Variants in EBF1 observed in about 807,000 individuals in gnomAD.
The protein encoded by EBF1 is transcription factor COE1.
EBF1 carries 10 observed loss-of-function variants against 68.4 expected under a neutral mutation model. The ratio of observed to expected loss-of-function variants is 0.15; its 90% confidence interval spans 0.09 to 0.25. The LOEUF (loss-of-function observed/expected upper bound fraction) is 0.25, where lower values mean the gene tolerates loss of function less well. Among genes scored for constraint, EBF1 ranks in the 10% least tolerant of loss-of-function variants. The pLI is 1.00. For missense variants in EBF1, 509 were observed against 794.4 expected, an observed-to-expected ratio of 0.64 and a Z score of 4.32; for synonymous variants, 298 against 299.8, an observed-to-expected ratio of 0.99 and a Z score of 0.06.
At chr5:158,803,990 T>C (rs1781116335) in intron 8 of EBF1, among the ~76,000 whole-genome samples, 1 of 144,318 alleles carries the variant, frequency 6.9e-6, no homozygotes, top group African/African-American at 2.6e-5. Flanking sequence ...GTGATGTTTG[T>C]CACTTTAAGG....
intron 10 of EBF1, among the ~76,000 whole-genome samples, chr5:158,770,276 CTT>C (rs1337910905): frequency 1.3e-5 from 2 of 151,956 alleles, no homozygotes; most frequent in Non-Finnish European, 2.9e-5. Context: ...TTAAATTCCT[CTT>C]GATTCCTCTC....
chr5:158,853,758 G>T (rs539375940), intron 6 of EBF1, among the ~76,000 whole-genome samples: 1 of 152,026 alleles, frequency 6.6e-6, no homozygotes, highest in Non-Finnish European at 1.5e-5. Context: ...ACATGCACAC[G>T]CGCACACACA....
chr5:158,715,346 T>C (rs1760421067), intron 11 of EBF1, among the ~76,000 whole-genome samples: 1 of 152,338 alleles, frequency 6.6e-6, no homozygotes, highest in South Asian at 2.1e-4. Flanking sequence ...ATAATCGCAT[T>C]CATTTTGCTG....
chr5:158,791,779 A>G (rs1427817375), intron 9 of EBF1, among the ~76,000 whole-genome samples: 1 of 152,118 alleles, frequency 6.6e-6, no homozygotes, highest in Non-Finnish European at 1.5e-5. Context: ...TAAACTACCA[A>G]TTTAATACTA....
chr5:158,724,545 T>C (rs994079805), intron 11 of EBF1, among the ~76,000 whole-genome samples: 2 of 152,212 alleles, frequency 1.3e-5, no homozygotes, highest in Non-Finnish European at 2.9e-5. Flanking sequence ...AATAAAAGCA[T>C]AATTAGAATA....
intron 15 of EBF1, among the ~76,000 whole-genome samples, chr5:158,702,351 T>C (rs932041119): frequency 1.3e-5 from 2 of 151,946 alleles, no homozygotes; most frequent in Non-Finnish European, 2.9e-5. Flanking sequence ...GTGGAGTGCA[T>C]AAAGATTCCC....
chr5:158,740,549 T>G (rs1248462871), intron 10 of EBF1, among the ~76,000 whole-genome samples: 5 of 152,194 alleles, frequency 3.3e-5, no homozygotes, highest in Non-Finnish European at 5.9e-5. Flanking sequence ...GACAGGAAAG[T>G]ACTTGTAACT....
At chr5:158,724,229 A>G (rs1001722047) in intron 11 of EBF1, among the ~76,000 whole-genome samples, 1 of 152,174 alleles carries the variant, frequency 6.6e-6, no homozygotes, top group Non-Finnish European at 1.5e-5. Context: ...AAGATTTGCC[A>G]TTTGTTTCTG....
chr5:158,908,139 G>A (rs1268196565), intron 6 of EBF1, among the ~76,000 whole-genome samples: 1 of 152,132 alleles, frequency 6.6e-6, no homozygotes, highest in Non-Finnish European at 1.5e-5. Flanking sequence ...GAAACTTTGT[G>A]GCTCCTCTCA....
At chr5:158,804,508 C>A (rs1398049778) in intron 8 of EBF1, among the ~76,000 whole-genome samples, 1 of 152,030 alleles carries the variant, frequency 6.6e-6, no homozygotes, top group Non-Finnish European at 1.5e-5. Flanking sequence ...GTTTGTCTGT[C>A]GGAGATCTGG....
At chr5:158,969,888 G>GAAAGAAAGAAAT (rs1561662600) in intron 6 of EBF1, among the ~76,000 whole-genome samples, 1 of 95,400 alleles carries the variant, frequency 1.0e-5, no homozygotes, top group Admixed American at 1.2e-4. Context: ...AAGAAAGAAA[G>GAAAGAAAGAAAT]AAAGAAAGAA....
chr5:159,089,522 G>A (rs1489157805), intron 4 of EBF1, among the ~76,000 whole-genome samples: 2 of 152,098 alleles, frequency 1.3e-5, no homozygotes, highest in Non-Finnish European at 2.9e-5. Context: ...CACAGTGAAT[G>A]TACACCGGGA....
At chr5:158,847,995 T>TA (rs1305688383) in intron 6 of EBF1, among the ~76,000 whole-genome samples, 1 of 152,106 alleles carries the variant, frequency 6.6e-6, no homozygotes, top group African/African-American at 2.4e-5. Flanking sequence ...AAGCCAAGCA[T>TA]AAAAAATGAG....
At chr5:159,076,815 C>T (rs1287611603) in intron 5 of EBF1, among the ~76,000 whole-genome samples, 5 of 152,110 alleles carry the variant, frequency 3.3e-5, no homozygotes, top group Non-Finnish European at 7.4e-5. Flanking sequence ...TATATACACA[C>T]ACACATACAT....
At position 158,698,912 on chromosome 5, in the gene EBF1, C is replaced by A. The variant is rs1210731295; in HGVS notation, c.*199G>T. The A allele has an allele frequency of 2.2e-6, 1 of 455,350 alleles. No homozygotes were observed. Among genetic ancestry groups the A allele is most frequent in the Non-Finnish European group, 3.9e-6 (1 of 256,080 alleles). The allele number at this position is 455,350 out of a possible 1,614,324, so 28.2% of individuals were successfully genotyped here. A position where few individuals can be genotyped will look rare whatever the true frequency, so the allele number is the denominator to read the frequency against. Reference sequence around the variant, plus strand: ...AATACTTGGGAGGTACAACTTTAACCAACACCCTGCACTTGCAGATCCCTC... The same window carrying A: ...AATACTTGGGAGGTACAACTTTAACAAACACCCTGCACTTGCAGATCCCTC... On this transcript the variant is annotated 3_prime_UTR_variant, in exon 16 of 16. Coordinates refer to ENST00000313708, the MANE Select transcript of EBF1 (RefSeq NM_024007.5).
intron 6 of EBF1, among the ~76,000 whole-genome samples, chr5:158,991,188 G>T (rs962848341): frequency 1.3e-5 from 2 of 152,176 alleles, no homozygotes; most frequent in Non-Finnish European, 1.5e-5. Flanking sequence ...GAGAATTAAA[G>T]AAATATGTTC....
At position 158,697,692 on chromosome 5, in the gene EBF1, T is replaced by A. The variant is rs1438578364; in HGVS notation, c.*1419A>T. The A allele has an allele frequency of 4.9e-6, 1 of 205,884 alleles. No homozygotes were observed. The highest frequency in any genetic ancestry group is 9.9e-6 in the Non-Finnish European group (1 of 100,770). 12.8% of individuals were successfully genotyped at this position (205,884 alleles called of 1,614,324 possible). A position where few individuals can be genotyped will look rare whatever the true frequency, so the allele number is the denominator to read the frequency against. On this transcript the variant is annotated 3_prime_UTR_variant, in exon 16 of 16. Transcript: ENST00000313708. Reference sequence around the variant, plus strand: ...AATACGCAGTAAAATCTTTTTGTGATATTGAAAAAATGTCTTAAGACATTA... The same window carrying A: ...AATACGCAGTAAAATCTTTTTGTGAAATTGAAAAAATGTCTTAAGACATTA...
chr5:158,929,276 T>C (rs571286998), intron 6 of EBF1, among the ~76,000 whole-genome samples: 1 of 152,338 alleles, frequency 6.6e-6, no homozygotes, highest in East Asian at 1.9e-4. Context: ...TATGTACAAC[T>C]TCAGTGCCTA....
At chr5:158,963,809 T>C (rs1179466716) in intron 6 of EBF1, among the ~76,000 whole-genome samples, 2 of 152,042 alleles carry the variant, frequency 1.3e-5, no homozygotes, top group African/African-American at 4.8e-5. Context: ...TGTAAATTCT[T>C]GTTGAGGTTT....
Sources: allele counts gnomAD v4.1 joint callset (sites outside exome capture counted in the v4.1 genomes callset), GRCh38; gene constraint gnomAD v4.1.1; transcripts MANE v1.5; gene names NCBI Gene and HGNC (gene_info 2026-07-23, HGNC 2026-07-21).